Variants in IMMP2L observed in about 807,000 individuals in gnomAD.
IMMP2L encodes the protein inner mitochondrial membrane peptidase subunit 2.
A neutral mutation model predicts 19.3 loss-of-function variants in IMMP2L; 18 were observed. The ratio of observed to expected loss-of-function variants is 0.93; its 90% CI spans 0.64 to 1.38. The LOEUF (loss-of-function observed/expected upper bound fraction) is 1.38, where lower values mean the gene tolerates loss of function less well. IMMP2L is among the 40% of genes most tolerant of loss of function. IMMP2L has a pLI of 0.00. For missense variants in IMMP2L, 233 were observed against 218.2 expected (o/e 1.07, Z -0.43); for synonymous variants, 76 against 73.0 (o/e 1.04, Z -0.21).
intron 3 of IMMP2L, among the ~76,000 whole-genome samples, chr7:111,261,327 TACTG>T (rs1300081719): frequency 1.3e-5 from 2 of 152,098 alleles, no homozygotes; most frequent in Admixed American, 6.6e-5. Context: ...CCCACTGAAA[TACTG>T]ACTTAGTTGT....
At chr7:110,836,298 G>T (rs1249427126) in intron 5 of IMMP2L, among the ~76,000 whole-genome samples, 10 of 151,958 alleles carry the variant, frequency 6.6e-5, no homozygotes, top group African/African-American at 2.4e-4. Flanking sequence ...GTCATAAATT[G>T]GGGGGGTGGT....
chr7:111,167,860 G>A (rs1270515752), intron 3 of IMMP2L, among the ~76,000 whole-genome samples: 1 of 151,856 alleles, frequency 6.6e-6, no homozygotes, highest in African/African-American at 2.4e-5. Flanking sequence ...GAGCTATTGG[G>A]TATATGCAAT....
chr7:111,160,767 G>T (rs1291440838), intron 3 of IMMP2L, among the ~76,000 whole-genome samples: 1 of 149,920 alleles, frequency 6.7e-6, no homozygotes, highest in East Asian at 1.9e-4. Context: ...ATATAAAAAT[G>T]AAGAAATATA....
chr7:111,531,432 T>C (rs1847387968), intron 1 of IMMP2L, among the ~76,000 whole-genome samples: 1 of 152,120 alleles, frequency 6.6e-6, no homozygotes, highest in Non-Finnish European at 1.5e-5. Flanking sequence ...ATCCTTATCC[T>C]GTAACTCCAA....
chr7:111,304,263 T>C (rs1167448906), intron 3 of IMMP2L, among the ~76,000 whole-genome samples: 3 of 152,032 alleles, frequency 2.0e-5, no homozygotes, highest in African/African-American at 4.8e-5. Context: ...GAGAAATCAA[T>C]GTCCAAATAA....
chr7:111,107,939 G>A (rs2129582018), intron 3 of IMMP2L, among the ~76,000 whole-genome samples: 1 of 152,108 alleles, frequency 6.6e-6, no homozygotes, highest in African/African-American at 2.4e-5. Context: ...CTGAAATTTT[G>A]CACCAAAAAT....
intron 2 of IMMP2L, among the ~76,000 whole-genome samples, chr7:111,490,426 T>C (rs1445347311): frequency 1.3e-5 from 2 of 151,908 alleles, no homozygotes; most frequent in Non-Finnish European, 2.9e-5. Flanking sequence ...CCCTTTCTTA[T>C]TTTCTTACAT....
chr7:110,850,257 G>C (rs571501942), intron 5 of IMMP2L, among the ~76,000 whole-genome samples: 1 of 152,032 alleles, frequency 6.6e-6, no homozygotes, highest in African/African-American at 2.4e-5. Flanking sequence ...AGGAACCAGC[G>C]ATCCCTAGCT....
At chr7:111,335,660 A>G (rs1826325973) in intron 3 of IMMP2L, among the ~76,000 whole-genome samples, 1 of 152,174 alleles carries the variant, frequency 6.6e-6, no homozygotes, top group African/African-American at 2.4e-5. Flanking sequence ...ACTAGGAAAT[A>G]CACATATCAA....
rs1407956004 is a variant in IMMP2L, at chr7:110,902,958, A to G, written c.306-16263T>C. 2.0e-5 allele frequency among the ~76,000 whole-genome samples: 3 copies of G among 148,956 alleles called. 1 individual carries two copies. In the Admixed American group the frequency reaches 2.0e-4, roughly 10 times the overall value. ...AAAAAAAAAAAAAAAAAAAAAAAAG[A>G]GTACAGACTCTATTTTGTAGGCAAT... is the stretch of plus-strand genomic sequence containing the variant. On this transcript the variant is annotated intron_variant, in intron 4 of 5. Coordinates refer to ENST00000405709, the MANE Select transcript of IMMP2L (RefSeq NM_032549.4).
At chr7:111,101,437 C>T (rs1317308809) in intron 3 of IMMP2L, among the ~76,000 whole-genome samples, 1 of 151,366 alleles carries the variant, frequency 6.6e-6, no homozygotes, top group East Asian at 1.9e-4. Flanking sequence ...GTGAGAGTAA[C>T]ACCTAAGAAT....
At chr7:111,403,245 A>C (rs1833622744) in intron 3 of IMMP2L, among the ~76,000 whole-genome samples, 1 of 151,598 alleles carries the variant, frequency 6.6e-6, no homozygotes. Flanking sequence ...AAAATTGTTT[A>C]ATAGGTCCTC....
intron 3 of IMMP2L, among the ~76,000 whole-genome samples, chr7:111,037,508 A>T (rs1197271760): frequency 6.6e-6 from 1 of 152,158 alleles, no homozygotes; most frequent in Non-Finnish European, 1.5e-5. Flanking sequence ...AGTACTCTCA[A>T]GCCAAGCTTC....
chr7:111,269,144 C>T (rs1584372527), intron 3 of IMMP2L, among the ~76,000 whole-genome samples: 1 of 152,202 alleles, frequency 6.6e-6, no homozygotes, highest in African/African-American at 2.4e-5. Flanking sequence ...ACTGGCAGGG[C>T]AGAGTTTGTG....
At chr7:111,441,944 C>G (rs747240349) in intron 3 of IMMP2L, among the ~76,000 whole-genome samples, 5 of 151,654 alleles carry the variant, frequency 3.3e-5, no homozygotes, top group Non-Finnish European at 7.4e-5. Context: ...CGAGACCACC[C>G]TGGCCAACAT....
intron 5 of IMMP2L, among the ~76,000 whole-genome samples, chr7:110,833,312 G>T (rs1466305665): frequency 6.6e-6 from 1 of 151,750 alleles, no homozygotes; most frequent in Non-Finnish European, 1.5e-5. Context: ...GGTGGTGGGT[G>T]CCTGTAATCC....
chr7:110,825,559 C>T (rs1803405510), intron 5 of IMMP2L, among the ~76,000 whole-genome samples: 1 of 152,088 alleles, frequency 6.6e-6, no homozygotes, highest in African/African-American at 2.4e-5. Context: ...TGATCTTTGA[C>T]AAACCTGACA....
chr7:111,188,318 C>T (rs1400089890), intron 3 of IMMP2L, among the ~76,000 whole-genome samples: 7 of 152,132 alleles, frequency 4.6e-5, no homozygotes, highest in Non-Finnish European at 7.3e-5. Flanking sequence ...ATTTACTTCT[C>T]ACAGTTTTGG....
At chr7:110,747,210 A>G (rs1009939103) in intron 5 of IMMP2L, among the ~76,000 whole-genome samples, 3 of 152,206 alleles carry the variant, frequency 2.0e-5, no homozygotes, top group African/African-American at 7.2e-5. Flanking sequence ...GAAGAAGTGG[A>G]ATCCCTGAAT....
Sources: allele counts gnomAD v4.1 joint callset (sites outside exome capture counted in the v4.1 genomes callset), GRCh38; gene constraint gnomAD v4.1.1; transcripts MANE v1.5; gene names NCBI Gene and HGNC (gene_info 2026-07-23, HGNC 2026-07-21).